Variants in TMEM230 observed in about 807,000 individuals in gnomAD.
TMEM230 encodes the protein UPF0414 transmembrane protein C20orf30.
Under a neutral mutation model 15.8 loss-of-function variants are expected in TMEM230, and 10 were observed. The ratio of observed to expected loss-of-function variants is 0.63; its 90% CI spans 0.39 to 1.07. The LOEUF (loss-of-function observed/expected upper bound fraction) is 1.07. Among genes scored for constraint, TMEM230 ranks in the 50% least tolerant of loss-of-function variants. TMEM230 has a pLI of 0.01. For missense variants in TMEM230, 165 were observed against 193.3 expected, an observed-to-expected ratio of 0.85 and a Z score of 0.87; for synonymous variants, 67 against 76.9, an observed-to-expected ratio of 0.87 and a Z score of 0.68.
At chr20:5,061,427 A>C in the TMEM230 span, 1 of 152,062 alleles carries the variant, frequency 6.6e-6, no homozygotes, top group Non-Finnish European at 1.5e-5. Context: ...TCTCAGACCC[A>C]CCCCAAACTC....
chr20:5,090,748 A>C (rs570905850), intron 3 of TMEM230, among the ~76,000 whole-genome samples: 1 of 152,226 alleles, frequency 6.6e-6, no homozygotes, highest in Non-Finnish European at 1.5e-5. Flanking sequence ...AAATGACACA[A>C]TTATATGGAC....
At chr20:5,112,708 G>A (rs1568513714) in intron 1 of TMEM230, 2 of 1,425,396 alleles carry the variant, frequency 1.4e-6, no homozygotes, top group East Asian at 2.6e-5. Context: ...CACAGTGCCT[G>A]GCATTACGCG....
intron 3 of TMEM230, among the ~76,000 whole-genome samples, chr20:5,083,672 T>C (rs751452855): frequency 6.6e-6 from 1 of 152,172 alleles, no homozygotes; most frequent in African/African-American, 2.4e-5. Flanking sequence ...ACACATTCGT[T>C]TGGATGGGCT....
intron 3 of TMEM230, among the ~76,000 whole-genome samples, chr20:5,080,309 G>T (rs1467133103): frequency 6.6e-6 from 1 of 152,190 alleles, no homozygotes; most frequent in Non-Finnish European, 1.5e-5. Flanking sequence ...CACAAATTAT[G>T]ATTAGTTGCT....
downstream of TMEM230, chr20:5,099,719 G>T: frequency 7.6e-6 from 3 of 393,750 alleles, no homozygotes; most frequent in Non-Finnish European, 9.7e-6. Context: ...CAGGCTTCCA[G>T]TTGCCCAAGT....
intron 3 of TMEM230, among the ~76,000 whole-genome samples, chr20:5,085,936 C>T (rs1224550701): frequency 6.6e-6 from 1 of 152,172 alleles, no homozygotes; most frequent in African/African-American, 2.4e-5. Context: ...TGCCGTGTCA[C>T]CTCTCACAGG....
chr20:5,107,130 C>A (rs1398727920), intron 3 of TMEM230, among the ~76,000 whole-genome samples: 1 of 152,082 alleles, frequency 6.6e-6, no homozygotes, highest in Non-Finnish European at 1.5e-5. Context: ...GGTGAAACCT[C>A]GTCTCTACAA....
chr20:5,067,072 C>G (rs1025613010), downstream of TMEM230: 1 of 152,090 alleles, frequency 6.6e-6, no homozygotes, highest in Admixed American at 6.6e-5. Flanking sequence ...GGGCGGAAAG[C>G]CAAGGAAAGG....
At chr20:5,083,856 C>T (rs2089253263) in intron 3 of TMEM230, among the ~76,000 whole-genome samples, 1 of 152,050 alleles carries the variant, frequency 6.6e-6, no homozygotes, top group Non-Finnish European at 1.5e-5. Context: ...AGATCTTTTT[C>T]TCTCTCTTTT....
intron 3 of TMEM230, among the ~76,000 whole-genome samples, chr20:5,070,465 T>C (rs1479616262): frequency 6.6e-6 from 1 of 152,072 alleles, no homozygotes; most frequent in Non-Finnish European, 1.5e-5. Context: ...AATGCAGAAA[T>C]AGATAACCGG....
rs182152581 is a variant in TMEM230 at position 5,106,117 on chromosome 20, A to G, written c.411+71T>C. The G allele has an allele frequency of 1.9e-3, 2,843 of 1,531,910 alleles. 68 individuals are homozygous for G. The East Asian group carries it at 0.044, about 24-fold the overall frequency. 94.9% of individuals were successfully genotyped at this position (1,531,910 alleles called of 1,614,324 possible). A position where few individuals can be genotyped will look rare whatever the true frequency, so the allele number is the denominator to read the frequency against. On this transcript the variant is annotated intron_variant, in intron 4 of 4. Coordinates refer to ENST00000342308, the MANE Select transcript of TMEM230 (RefSeq NM_001009923.2). ...CACACACACACACACACACACACAC[A>G]CACGCACACTAGAGCCTTGGCTAAC...
chr20:5,098,093 T>C (rs1047537156), downstream of TMEM230, among the ~76,000 whole-genome samples: 2 of 148,982 alleles, frequency 1.3e-5, no homozygotes, highest in African/African-American at 2.4e-5. Flanking sequence ...TTCTCCTGCC[T>C]TAGCCTCCCA....
intron 3 of TMEM230, among the ~76,000 whole-genome samples, chr20:5,071,275 G>A (rs1424442948): frequency 6.6e-6 from 1 of 152,168 alleles, no homozygotes; most frequent in Non-Finnish European, 1.5e-5. Flanking sequence ...AACTGGGAAT[G>A]GACGTGTAGG....
chr20:5,095,712 T>C (rs1330545392), downstream of TMEM230, among the ~76,000 whole-genome samples: 3 of 152,134 alleles, frequency 2.0e-5, no homozygotes, highest in Non-Finnish European at 4.4e-5. Flanking sequence ...GACATGCAAC[T>C]AACAGGTAGG....
Position 5,112,132 on chromosome 20 carries a change from G to C in TMEM230, c.69-527C>G, listed in dbSNP as rs957770427. 5.3e-5 allele frequency among the ~76,000 whole-genome samples: 8 copies of C among 152,184 alleles called. No homozygotes were observed. In the South Asian group the frequency reaches 1.7e-3, roughly 31 times the overall value. ...GTGCTGGGATTACAGGCGTGAGCCA[G>C]CGCGCCCGGCCTAACTGTTTTACGT... On this transcript the variant is annotated intron_variant, in intron 1 of 4. Coordinates refer to ENST00000342308, the MANE Select transcript of TMEM230 (RefSeq NM_001009923.2).
chr20:5,082,534 T>C (rs1473928342), intron 3 of TMEM230, among the ~76,000 whole-genome samples: 1 of 152,134 alleles, frequency 6.6e-6, no homozygotes, highest in Non-Finnish European at 1.5e-5. Flanking sequence ...CTCAACCTCC[T>C]GGGCTCAAGC....
intron 3 of TMEM230, among the ~76,000 whole-genome samples, chr20:5,084,129 GC>G (rs1472772499): frequency 6.6e-6 from 1 of 152,014 alleles, no homozygotes; most frequent in Non-Finnish European, 1.5e-5. Context: ...TTCTGTTCCT[GC>G]GTTAATTCAT....
At chr20:5,088,003 T>TTA (rs377733310) in intron 3 of TMEM230, among the ~76,000 whole-genome samples, 5,585 of 113,422 alleles carry the variant, frequency 0.049, 396 homozygotes, top group African/African-American at 0.17. Flanking sequence ...AGGATATACC[T>TTA]AAAAAAAAAA....
intron 3 of TMEM230, among the ~76,000 whole-genome samples, chr20:5,081,236 C>T (rs1431908190): frequency 4.6e-5 from 7 of 152,166 alleles, no homozygotes; most frequent in African/African-American, 1.7e-4. Flanking sequence ...TATCCCCTCC[C>T]CTAGAAGCCC....
Sources: allele counts gnomAD v4.1 joint callset (sites outside exome capture counted in the v4.1 genomes callset), GRCh38; gene constraint gnomAD v4.1.1; transcripts MANE v1.5; gene names NCBI Gene and HGNC (gene_info 2026-07-23, HGNC 2026-07-21).